PAX8: variants seen among roughly 807,000 people sequenced by gnomAD.
PAX8 encodes the protein paired box protein Pax-8.
A neutral mutation model predicts 52.4 loss-of-function variants in PAX8; 15 were observed. The ratio of observed to expected loss-of-function variants is 0.29; its 90% CI spans 0.19 to 0.44. The LOEUF is 0.44. PAX8 is among the 20% of genes least tolerant of loss of function. The pLI, the probability that PAX8 is intolerant of heterozygous loss-of-function variation, is 1.00. For synonymous variants in PAX8, 284 were observed against 249.7 expected (o/e 1.14, Z -1.29); for missense variants, 554 against 602.5 (o/e 0.92, Z 0.84).
chr2:113,229,052 C>T (rs35222158), intron 9 of PAX8, among the ~76,000 whole-genome samples: 26,842 of 152,074 alleles, frequency 0.18, 2,803 homozygotes, highest in Non-Finnish European at 0.24. Flanking sequence ...TTAGCAAGGC[C>T]GGGCACTAAA....
chr2:113,233,622 G>A (rs1690040988), intron 9 of PAX8, among the ~76,000 whole-genome samples: 1 of 150,136 alleles, frequency 6.7e-6, no homozygotes, highest in Admixed American at 6.6e-5. Context: ...AGGTTGCAGT[G>A]AGCTGAGATC....
Position 113,216,194 on chromosome 2 carries a change from C to G in PAX8, c.*2339G>C, listed in dbSNP as rs1201009146. ...TCCCAGAGGTTTGTGGTCAGGAAGACTCTCAGATGTCATGGATTCGGAGTC... is the reference window on the plus strand; with the variant it reads ...TCCCAGAGGTTTGTGGTCAGGAAGAGTCTCAGATGTCATGGATTCGGAGTC... On this transcript the variant is annotated 3_prime_UTR_variant, in exon 12 of 12. Coordinates refer to ENST00000429538, the MANE Select transcript of PAX8 (RefSeq NM_003466.4). 4.3e-6 allele frequency: 1 copy of G among 230,582 alleles called. No individual in the cohort carries two copies. The highest frequency in any genetic ancestry group is 8.6e-6 in the Non-Finnish European group (1 of 116,436). The allele number at this position is 230,582 out of a possible 1,614,324, so 14.3% of individuals were successfully genotyped here. A position where few individuals can be genotyped will look rare whatever the true frequency, so the allele number is the denominator to read the frequency against.
chr2:113,242,365 T>C (rs937401837), intron 5 of PAX8, among the ~76,000 whole-genome samples: 1 of 111,418 alleles, frequency 9.0e-6, no homozygotes, highest in Non-Finnish European at 2.3e-5. Context: ...CTGCTGACAC[T>C]GTGCAGGAGG....
intron 3 of PAX8, among the ~76,000 whole-genome samples, chr2:113,246,458 A>C (rs1427569702): frequency 8.5e-5 from 13 of 152,206 alleles, no homozygotes; most frequent in Admixed American, 8.5e-4. Context: ...CTCTTGCCTT[A>C]GCAGGAGAGA....
intron 2 of PAX8, 92 bp from the exon 3 acceptor site, chr2:113,247,011 G>T: frequency 8.2e-7 from 1 of 1,225,464 alleles, no homozygotes; most frequent in Non-Finnish European, 1.2e-6. Context: ...GTGTGTGTGT[G>T]TGTGTTTGAC....
chr2:113,236,535 C>T lies in PAX8; in HGVS notation c.898+66G>A. 3.3e-6 allele frequency: 5 copies of T among 1,523,786 alleles called. No individual in the cohort carries two copies. In the Admixed American group the frequency reaches 8.0e-5, roughly 24 times the overall value. 94.4% of individuals were successfully genotyped at this position (1,523,786 alleles called of 1,614,324 possible). The stretch of plus-strand genomic sequence containing the variant: ...CAGGCCAGGGCCCCACACCTTCCGC[C>T]TGACAGCCAGCCAAGCTCTTCAGTC... On this transcript the variant is annotated intron_variant, in intron 8 of 11. Transcript: ENST00000429538.
intron 10 of PAX8, chr2:113,225,923 T>G: frequency 1.2e-6 from 1 of 841,264 alleles, no homozygotes; most frequent in Non-Finnish European, 1.4e-6. Context: ...TTGACCAATC[T>G]CATTTCACGC....
chr2:113,270,281 T>C (rs1331562071), intron 2 of PAX8: 1 of 152,110 alleles, frequency 6.6e-6, no homozygotes, highest in Non-Finnish European at 1.5e-5. Flanking sequence ...GCACAGAAAA[T>C]TGTCTTGAGT....
chr2:113,237,945 G>C (rs1239925322), intron 7 of PAX8: 1 of 152,186 alleles, frequency 6.6e-6, no homozygotes, highest in African/African-American at 2.4e-5. Context: ...GGAAGCTGCA[G>C]TCAATTCTGG....
chr2:113,244,551 C>A lies in PAX8; in HGVS notation c.265G>T (p.Val89Leu). Residue 89 changes from valine (V) to leucine (L), a missense_variant, in exon 4 of 12, where the codon GTG becomes TTG. This residue lies in a region of PAX8 where 109 missense variants were observed against 192.7 expected (regional missense o/e 0.57). Coordinates refer to ENST00000429538, the MANE Select transcript of PAX8 (RefSeq NM_003466.4). ...CGTTTGTAGTCCCCAATCTTCTCCACCACCTTGGGGGTGGCCACCTTGGGC... is the reference window on the plus strand; with the variant it reads ...CGTTTGTAGTCCCCAATCTTCTCCAACACCTTGGGGGTGGCCACCTTGGGC... ...SKPKVATPKVVEKIGDYKRQN... is the reference protein window; with the variant it reads ...SKPKVATPKVLEKIGDYKRQN... 1 of 1,614,144 alleles carries A rather than the reference C, an allele frequency of 6.2e-7. No homozygotes were observed. The highest frequency in any genetic ancestry group is 8.5e-7 in the Non-Finnish European group (1 of 1,179,960).
At chr2:113,241,159 A>T in intron 7 of PAX8, 1 of 369,580 alleles carries the variant, frequency 2.7e-6, no homozygotes, top group East Asian at 6.8e-5. Context: ...TGGGGTGTGC[A>T]GGATGAGTGG....
Position 113,216,880 on chromosome 2 carries a change from TCA to T in PAX8, c.*1651_*1652del, listed in dbSNP as rs1689044119. Reference sequence around the variant, plus strand: ...AAGACATCTCATTTTTTTCAAAGCCTCAGTTTCCTCATATGTAAAATGAAGCT... The same window carrying T: ...AAGACATCTCATTTTTTTCAAAGCCTGTTTCCTCATATGTAAAATGAAGCT... On this transcript the variant is annotated 3_prime_UTR_variant, in exon 12 of 12. Coordinates refer to ENST00000429538, the MANE Select transcript of PAX8 (RefSeq NM_003466.4). 1 of 227,422 alleles carries T rather than the reference TCA, an allele frequency of 4.4e-6. No individual in the cohort carries two copies. The highest frequency in any genetic ancestry group is 1.8e-4 in the South Asian group (1 of 5,472). 14.1% of individuals were successfully genotyped at this position (227,422 alleles called of 1,614,324 possible).
intron 2 of PAX8, chr2:113,266,904 A>T (rs1227612915): frequency 4.6e-5 from 7 of 152,246 alleles, no homozygotes; most frequent in Non-Finnish European, 1.0e-4. Flanking sequence ...GAAAGTGTTT[A>T]TGAAAGTTTT....
intron 3 of PAX8, 31 bp downstream of exon 3, chr2:113,246,723 G>T (rs781522895): frequency 1.2e-6 from 2 of 1,607,160 alleles, no homozygotes; most frequent in South Asian, 2.2e-5. Context: ...GCCCTGCGGG[G>T]AAGGCGGCCT....
At chr2:113,227,120 T>G (rs1397368690) in intron 10 of PAX8, 35 bp downstream of exon 10, 1 of 1,552,630 alleles carries the variant, frequency 6.4e-7, no homozygotes. Context: ...ACTTCCTCTT[T>G]GCAGTGCTCC....
intron 11 of PAX8, 54 bp downstream of exon 11, chr2:113,220,038 C>A: frequency 7.4e-7 from 1 of 1,353,352 alleles, no homozygotes; most frequent in Non-Finnish European, 1.0e-6. Flanking sequence ...CCCTTGCCCC[C>A]CACCACTCCA....
chr2:113,236,894 A>C, intron 7 of PAX8, 173 bp from the exon 8 acceptor site: 10 of 718,232 alleles, frequency 1.4e-5, no homozygotes, highest in Admixed American at 6.1e-5. Context: ...GTTCATGCTC[A>C]TTGTCCTCCC....
intron 2 of PAX8, among the ~76,000 whole-genome samples, chr2:113,278,126 A>G (rs1034404955): frequency 2.0e-5 from 3 of 152,122 alleles, no homozygotes; most frequent in African/African-American, 7.2e-5. Flanking sequence ...AGATCCCCTC[A>G]CCGATCCATG....
At chr2:113,223,176 G>C (rs1273830961) in intron 10 of PAX8, among the ~76,000 whole-genome samples, 1 of 151,878 alleles carries the variant, frequency 6.6e-6, no homozygotes, top group Non-Finnish European at 1.5e-5. Flanking sequence ...AAAAACTCTT[G>C]ATTTCCACTT....
Sources: gnomAD v4.1 joint callset for allele counts (sites outside exome capture counted in the v4.1 genomes callset) on GRCh38, gnomAD v4.1.1 for gene constraint, gnomAD v4.1.1 regional missense constraint, MANE v1.5 for transcripts, NCBI Gene and HGNC (gene_info 2026-07-23, HGNC 2026-07-21) for gene names.